The following KLHL32 variants were observed in gnomAD, a reference collection of about 807,000 sequenced individuals.
The protein encoded by KLHL32 is kelch like family member 32.
Under a neutral mutation model 64.8 loss-of-function variants are expected in KLHL32, and 35 were observed. That is an observed-to-expected ratio of 0.54 (90% CI 0.41 to 0.72). KLHL32 has a LOEUF of 0.72. Ranked by LOEUF, KLHL32 falls within the 30% of genes least tolerant of loss-of-function variation. KLHL32 has a pLI of 0.00. For synonymous variants in KLHL32, 259 were observed against 281.0 expected, an observed-to-expected ratio of 0.92 and a Z score of 0.78; for missense variants, 589 against 768.5, an observed-to-expected ratio of 0.77 and a Z score of 2.76.
chr6:97,112,038 G>T (rs1010750490), intron 6 of KLHL32, among the ~76,000 whole-genome samples: 2 of 151,874 alleles, frequency 1.3e-5, no homozygotes, highest in African/African-American at 2.4e-5. Context: ...GGATGGGGGG[G>T]TGGGGTGGAT....
intron 3 of KLHL32, among the ~76,000 whole-genome samples, chr6:97,027,161 CA>C (rs59057028): frequency 0.34 from 37,648 of 110,484 alleles, 4,664 homozygotes; most frequent in Middle Eastern, 0.41. Context: ...GATTCCCTCT[CA>C]AAAAAAAAAA....
At chr6:97,096,727 G>A (rs1027380443) in intron 6 of KLHL32, among the ~76,000 whole-genome samples, 7 of 152,218 alleles carry the variant, frequency 4.6e-5, no homozygotes, top group African/African-American at 1.7e-4. Flanking sequence ...CCTGTTTGAG[G>A]CATGCCCTCT....
chr6:96,903,201 G>GA, the KLHL32 span, among the ~76,000 whole-genome samples: 1 of 151,538 alleles, frequency 6.6e-6, no homozygotes, highest in African/African-American at 2.4e-5. Flanking sequence ...AATACATTAA[G>GA]AATTTTTTGG....
intron 10 of KLHL32, among the ~76,000 whole-genome samples, chr6:97,138,824 C>G (rs1800358581): frequency 6.6e-6 from 1 of 152,088 alleles, no homozygotes; most frequent in South Asian, 2.1e-4. Context: ...TTTAACTTGT[C>G]TAAGGCAGTT....
rs570509505 is a variant in KLHL32 at position 96,945,271 on chromosome 6, G to A, written c.-66+20245G>A. The stretch of plus-strand genomic sequence containing the variant: ...GGCAGGGATAATGCTAACACTGTCT[G>A]TTGCTTACCATGATGCCACATAACT... On this transcript the variant is annotated intron_variant, in intron 1 of 10. Transcript: ENST00000369261. Among the ~76,000 whole-genome samples, 13 of 152,338 alleles carry A rather than the reference G, an allele frequency of 8.5e-5. No homozygotes were observed. The East Asian group carries it at 1.9e-3, about 23-fold the overall frequency.
chr6:96,908,193 T>C, the KLHL32 span, among the ~76,000 whole-genome samples: 1 of 152,172 alleles, frequency 6.6e-6, no homozygotes, highest in African/African-American at 2.4e-5. Flanking sequence ...TCCTTGATAA[T>C]GTACAAGGGA....
At position 96,925,039 on chromosome 6, in the gene KLHL32, C is replaced by T. The variant is rs1409820333; in HGVS notation, c.-66+13C>T. On this transcript the variant is annotated intron_variant, in intron 1 of 10. Coordinates refer to ENST00000369261, the MANE Select transcript of KLHL32 (RefSeq NM_052904.4). ...CTCACCCCATCGGGTAAGCCAGTCTCTCTCCTTGTAACCTGTTCTGCAGAC... is the reference window on the plus strand; with the variant it reads ...CTCACCCCATCGGGTAAGCCAGTCTTTCTCCTTGTAACCTGTTCTGCAGAC... 2 of 152,280 alleles carry T rather than the reference C, an allele frequency of 1.3e-5. No homozygotes were observed. The highest frequency in any genetic ancestry group is 4.8e-5 in the African/African-American group (2 of 41,468). The allele number at this position is 152,280 out of a possible 1,614,324, so 9.4% of individuals were successfully genotyped here.
chr6:96,910,756 A>T, the KLHL32 span, among the ~76,000 whole-genome samples: 1 of 152,334 alleles, frequency 6.6e-6, no homozygotes, highest in Non-Finnish European at 1.5e-5. Context: ...TAATAAGAAT[A>T]TGATTTTAAT....
intron 1 of KLHL32, among the ~76,000 whole-genome samples, chr6:96,961,074 C>T (rs1479274294): frequency 6.6e-6 from 1 of 152,172 alleles, no homozygotes; most frequent in African/African-American, 2.4e-5. Context: ...ATTTTCCCCA[C>T]AAGAGTGAGC....
At chr6:96,899,803 C>T in the KLHL32 span, among the ~76,000 whole-genome samples, 1 of 152,148 alleles carries the variant, frequency 6.6e-6, no homozygotes, top group Non-Finnish European at 1.5e-5. Context: ...TCCTGTTGGG[C>T]TTATGTTAAG....
chr6:97,078,074 C>T (rs1791886517), intron 5 of KLHL32, among the ~76,000 whole-genome samples: 1 of 152,108 alleles, frequency 6.6e-6, no homozygotes, highest in Admixed American at 6.5e-5. Context: ...TCCTTATAAG[C>T]AGCTGATACA....
intron 5 of KLHL32, among the ~76,000 whole-genome samples, chr6:97,084,007 G>T (rs1180829886): frequency 6.6e-6 from 1 of 152,152 alleles, no homozygotes; most frequent in East Asian, 1.9e-4. Context: ...TTGCCTTGGG[G>T]TGAGTTTTCT....
intron 3 of KLHL32, among the ~76,000 whole-genome samples, chr6:96,988,694 G>A (rs1253317192): frequency 2.0e-5 from 3 of 152,162 alleles, no homozygotes; most frequent in African/African-American, 4.8e-5. Context: ...GCAAAGACTT[G>A]GAACCAACCC....
chr6:97,101,175 T>G (rs933963412), intron 6 of KLHL32, among the ~76,000 whole-genome samples: 2 of 152,044 alleles, frequency 1.3e-5, no homozygotes, highest in South Asian at 2.1e-4. Flanking sequence ...GGATGCATGT[T>G]TACAAATTAA....
At chr6:96,939,271 T>C (rs1055835000) in intron 1 of KLHL32, among the ~76,000 whole-genome samples, 2 of 152,234 alleles carry the variant, frequency 1.3e-5, no homozygotes, top group African/African-American at 4.8e-5. Flanking sequence ...TGTTTTACTC[T>C]GTAAAGAATG....
At chr6:96,996,205 A>C (rs1293526710) in intron 3 of KLHL32, among the ~76,000 whole-genome samples, 1 of 152,260 alleles carries the variant, frequency 6.6e-6, no homozygotes, top group Non-Finnish European at 1.5e-5. Flanking sequence ...GTTTCTGGCC[A>C]GGGAAACAGA....
intron 1 of KLHL32, among the ~76,000 whole-genome samples, chr6:96,952,841 C>T (rs1043633314): frequency 2.6e-5 from 4 of 152,188 alleles, no homozygotes; most frequent in Non-Finnish European, 5.9e-5. Flanking sequence ...CCTTTGTATT[C>T]TGGTGACCAA....
At chr6:97,099,705 G>A (rs548086613) in intron 6 of KLHL32, among the ~76,000 whole-genome samples, 1 of 152,008 alleles carries the variant, frequency 6.6e-6, no homozygotes, top group Non-Finnish European at 1.5e-5. Flanking sequence ...TCTCCCACCC[G>A]AACTAAGCCC....
intron 3 of KLHL32, among the ~76,000 whole-genome samples, chr6:97,015,591 T>G (rs533581795): frequency 6.6e-6 from 1 of 152,234 alleles, no homozygotes; most frequent in South Asian, 2.1e-4. Context: ...TTGGAACCTA[T>G]GTTTAAAAGG....
Sources: allele counts gnomAD v4.1 joint callset (sites outside exome capture counted in the v4.1 genomes callset), GRCh38; gene constraint gnomAD v4.1.1; transcripts MANE v1.5; gene names NCBI Gene and HGNC (gene_info 2026-07-23, HGNC 2026-07-21).